Variants in SPATA6 observed in about 807,000 individuals in gnomAD.
SPATA6 encodes spermatogenesis associated 6.
In SPATA6, 56 loss-of-function variants were observed where a neutral mutation model predicts 65.3. The ratio of observed to expected loss-of-function variants is 0.86; its 90% CI spans 0.69 to 1.07. The LOEUF (loss-of-function observed/expected upper bound fraction) is 1.07, where lower values mean the gene tolerates loss of function less well. Among genes scored for constraint, SPATA6 ranks in the 50% least tolerant of loss-of-function variants. The pLI, the probability that SPATA6 is intolerant of heterozygous loss-of-function variation, is 0.00. For synonymous variants in SPATA6, 199 were observed against 213.2 expected (o/e 0.93, Z 0.58); for missense variants, 590 against 594.8 (o/e 0.99, Z 0.08).
chr1:48,425,850 A>C (rs1039984379), intron 3 of SPATA6, among the ~76,000 whole-genome samples: 3 of 152,132 alleles, frequency 2.0e-5, no homozygotes, highest in Non-Finnish European at 2.9e-5. Context: ...AAGGTAAAAA[A>C]AATGCTTCTT....
intron 11 of SPATA6, chr1:48,325,958 C>A: frequency 7.5e-6 from 2 of 266,836 alleles, no homozygotes; most frequent in South Asian, 1.2e-4. Context: ...TCACACAAAT[C>A]AAGGTTTATC....
At chr1:48,277,476 C>G in the SPATA6 span, among the ~76,000 whole-genome samples, 17 of 151,684 alleles carry the variant, frequency 1.1e-4, no homozygotes, top group Non-Finnish European at 2.5e-4. Flanking sequence ...ACTCCCACCC[C>G]AATACTGCGC....
intron 3 of SPATA6, among the ~76,000 whole-genome samples, chr1:48,419,325 A>G (rs1211767223): frequency 6.6e-6 from 1 of 152,236 alleles, no homozygotes; most frequent in Non-Finnish European, 1.5e-5. Flanking sequence ...CAACTCGACT[A>G]GAACTAGAAA....
intron 9 of SPATA6, among the ~76,000 whole-genome samples, chr1:48,381,027 A>G (rs1648509243): frequency 6.6e-6 from 1 of 152,188 alleles, no homozygotes; most frequent in Admixed American, 6.5e-5. Context: ...TCTCACAAGG[A>G]GCACACAACC....
intron 9 of SPATA6, among the ~76,000 whole-genome samples, chr1:48,379,636 G>C (rs1648318682): frequency 1.3e-5 from 2 of 152,100 alleles, no homozygotes; most frequent in African/African-American, 4.8e-5. Flanking sequence ...GAGAAAATCA[G>C]TTGTTACATT....
At chr1:48,283,223 A>G in the SPATA6 span, among the ~76,000 whole-genome samples, 2,092 of 150,826 alleles carry the variant, frequency 0.014, 47 homozygotes, top group African/African-American at 0.048. Context: ...TAGGAGATAT[A>G]TCTAATGCTA....
intron 11 of SPATA6, among the ~76,000 whole-genome samples, chr1:48,349,223 T>C (rs1032181286): frequency 6.6e-6 from 1 of 152,008 alleles, no homozygotes; most frequent in Admixed American, 6.6e-5. Flanking sequence ...GATTACTTTC[T>C]TGCTACAACC....
intron 9 of SPATA6, among the ~76,000 whole-genome samples, chr1:48,383,333 G>C (rs1452931284): frequency 1.6e-5 from 1 of 60,738 alleles, no homozygotes; most frequent in African/African-American, 4.8e-5. Flanking sequence ...CCTCCCGGAC[G>C]GGGCGGCTGG....
At chr1:48,413,071 G>T in intron 4 of SPATA6, 39 bp downstream of exon 4, 1 of 662,496 alleles carries the variant, frequency 1.5e-6, no homozygotes, top group Non-Finnish European at 2.2e-6. Context: ...ATCAATTTAT[G>T]ATATCTTATA....
chr1:48,274,663 T>C, the SPATA6 span, among the ~76,000 whole-genome samples: 1 of 152,200 alleles, frequency 6.6e-6, no homozygotes, highest in African/African-American at 2.4e-5. Context: ...TATGTGGCAT[T>C]ATTTCTGAGG....
At chr1:48,363,360 CTT>C in intron 9 of SPATA6, among the ~76,000 whole-genome samples, 1 of 152,224 alleles carries the variant, frequency 6.6e-6, no homozygotes, top group East Asian at 1.9e-4. Context: ...TTCAATGTAT[CTT>C]CAATAATACT....
At chr1:48,265,231 G>C in the SPATA6 span, among the ~76,000 whole-genome samples, 1 of 151,948 alleles carries the variant, frequency 6.6e-6, no homozygotes, top group Admixed American at 6.6e-5. Context: ...GCATTTGTGA[G>C]AGATCCGGAT....
intron 9 of SPATA6, among the ~76,000 whole-genome samples, chr1:48,380,579 T>C (rs888348649): frequency 2.0e-5 from 3 of 152,228 alleles, no homozygotes; most frequent in African/African-American, 7.2e-5. Context: ...TATATTTGTA[T>C]AGATTTGGTT....
the SPATA6 span, among the ~76,000 whole-genome samples, chr1:48,274,426 C>T: frequency 2.0e-5 from 3 of 152,104 alleles, no homozygotes; most frequent in Admixed American, 6.6e-5. Flanking sequence ...AGACTTATGT[C>T]CTGAATGGTA....
At chr1:48,321,470 G>A (rs1645596975) in intron 11 of SPATA6, among the ~76,000 whole-genome samples, 2 of 152,052 alleles carry the variant, frequency 1.3e-5, no homozygotes, top group Admixed American at 1.3e-4. Flanking sequence ...TCAGCAAGAG[G>A]ATGTAACAAT....
chr1:48,311,952 C>A (rs1254954585), intron 11 of SPATA6, among the ~76,000 whole-genome samples: 1 of 152,176 alleles, frequency 6.6e-6, no homozygotes, highest in East Asian at 1.9e-4. Context: ...GTCCTACGCC[C>A]ACGGAGCCTC....
At chr1:48,405,757 A>G (rs1279528587) in intron 5 of SPATA6, among the ~76,000 whole-genome samples, 1 of 152,022 alleles carries the variant, frequency 6.6e-6, no homozygotes, top group Non-Finnish European at 1.5e-5. Flanking sequence ...TATAATCCAA[A>G]CTCAATGACA....
At chr1:48,281,088 G>T in the SPATA6 span, among the ~76,000 whole-genome samples, 3 of 152,158 alleles carry the variant, frequency 2.0e-5, no homozygotes, top group African/African-American at 7.2e-5. Context: ...AACACCACAT[G>T]ATTATCTCAA....
chr1:48,407,271 C>T (rs1209790478), intron 5 of SPATA6, among the ~76,000 whole-genome samples: 1 of 152,130 alleles, frequency 6.6e-6, no homozygotes, highest in Non-Finnish European at 1.5e-5. Flanking sequence ...TTTGGCTGGG[C>T]TCTCACTGTC....
Sources: allele counts gnomAD v4.1 joint callset (sites outside exome capture counted in the v4.1 genomes callset), GRCh38; gene constraint gnomAD v4.1.1; transcripts MANE v1.5; gene names NCBI Gene and HGNC (gene_info 2026-07-23, HGNC 2026-07-21).